The following PTPRT variants were observed in gnomAD, a reference collection of about 807,000 sequenced individuals.
PTPRT encodes the protein protein tyrosine phosphatase receptor type T.
Under a neutral mutation model 176.8 loss-of-function variants are expected in PTPRT, and 56 were observed. The observed-to-expected ratio is 0.32, with a 90% CI of 0.26 to 0.40. PTPRT has a LOEUF of 0.40. PTPRT is among the 10% of genes least tolerant of loss of function. The probability of loss-of-function intolerance (pLI) is 1.00; values close to 1 mark genes in which losing one functional copy is unlikely to be tolerated. For synonymous variants in PTPRT, 783 were observed against 739.0 expected (o/e 1.06, Z -0.96); for missense variants, 1,540 against 1,908.2 (o/e 0.81, Z 3.60).
intron 3 of PTPRT, among the ~76,000 whole-genome samples, chr20:42,781,296 C>A (rs1451053934): frequency 6.6e-6 from 1 of 152,122 alleles, no homozygotes; most frequent in African/African-American, 2.4e-5. Flanking sequence ...TTTGCCTTCT[C>A]CAATCCTGTA....
At chr20:42,036,331 T>C in the PTPRT span, among the ~76,000 whole-genome samples, 5 of 152,310 alleles carry the variant, frequency 3.3e-5, no homozygotes, top group South Asian at 1.0e-3. Flanking sequence ...GTAAAATGTA[T>C]AGCTAGAGTT....
chr20:42,333,700 A>T (rs1303157785), intron 11 of PTPRT, among the ~76,000 whole-genome samples: 1 of 152,056 alleles, frequency 6.6e-6, no homozygotes, highest in Non-Finnish European at 1.5e-5. Context: ...TTTTCTTGAG[A>T]TGGAGTCTCG....
intron 1 of PTPRT, among the ~76,000 whole-genome samples, chr20:42,903,544 A>G (rs950458203): frequency 6.6e-6 from 1 of 152,036 alleles, no homozygotes; most frequent in Middle Eastern, 3.2e-3. Flanking sequence ...TTGTGTAGAT[A>G]AAATATTATT....
intron 8 of PTPRT, among the ~76,000 whole-genome samples, chr20:42,465,918 C>T (rs1568904598): frequency 2.0e-5 from 3 of 152,122 alleles, no homozygotes; most frequent in Admixed American, 1.3e-4. Context: ...TATCCTGATG[C>T]TCTCCCTCCC....
downstream of PTPRT, among the ~76,000 whole-genome samples, chr20:42,069,056 T>C (rs1405259994): frequency 6.6e-6 from 1 of 152,254 alleles, no homozygotes; most frequent in Non-Finnish European, 1.5e-5. Flanking sequence ...TCACTGGTTC[T>C]GGGCTAAAAG....
rs1379068715 is a variant in PTPRT, at chr20:42,089,959, AT to A, written c.3847-4107del. On this transcript the variant is annotated intron_variant, in intron 27 of 30. Transcript: ENST00000373187. ...AAGTGCTGTAGCTGCACCTGAATGG[AT>A]GCTACCATTTTGGTTTGCTTATGTT... Among the ~76,000 whole-genome samples, 4 of 152,174 alleles carry A rather than the reference AT, an allele frequency of 2.6e-5. No individual in the cohort carries two copies. In the East Asian group the frequency reaches 7.7e-4, roughly 29 times the overall value.
chr20:42,656,003 G>C (rs928013964), intron 7 of PTPRT, among the ~76,000 whole-genome samples: 1 of 152,182 alleles, frequency 6.6e-6, no homozygotes. Context: ...ACCATCAAGT[G>C]CAGAAATCAG....
At chr20:42,194,061 ACTAG>A (rs1264253063) in intron 16 of PTPRT, among the ~76,000 whole-genome samples, 1 of 152,194 alleles carries the variant, frequency 6.6e-6, no homozygotes, top group African/African-American at 2.4e-5. Flanking sequence ...TTAAAAACCT[ACTAG>A]CTACCTTATT....
chr20:42,819,098 A>C (rs993737695), intron 2 of PTPRT, among the ~76,000 whole-genome samples: 7 of 152,188 alleles, frequency 4.6e-5, no homozygotes, highest in African/African-American at 1.7e-4. Flanking sequence ...ACACACAGTC[A>C]TCAGATTCTC....
intron 12 of PTPRT, among the ~76,000 whole-genome samples, chr20:42,295,563 G>T (rs146135079): frequency 6.6e-6 from 1 of 152,194 alleles, no homozygotes; most frequent in African/African-American, 2.4e-5. Flanking sequence ...AAATAAGGTA[G>T]GGGTTGGATG....
chr20:42,127,223 C>G (rs141218944), intron 19 of PTPRT, among the ~76,000 whole-genome samples: 1 of 152,136 alleles, frequency 6.6e-6, no homozygotes, highest in African/African-American at 2.4e-5. Context: ...ATAACCAGAG[C>G]CCCAGTGGGC....
intron 1 of PTPRT, among the ~76,000 whole-genome samples, chr20:42,906,354 G>T (rs1380664891): frequency 6.6e-6 from 1 of 152,168 alleles, no homozygotes; most frequent in Non-Finnish European, 1.5e-5. Flanking sequence ...GGCTCCAGGG[G>T]GAAAGCCACG....
intron 9 of PTPRT, among the ~76,000 whole-genome samples, chr20:42,444,981 T>C (rs967702201): frequency 6.6e-6 from 1 of 152,186 alleles, no homozygotes; most frequent in African/African-American, 2.4e-5. Flanking sequence ...GCCAAAAGTT[T>C]CTCAAGAGTA....
intron 2 of PTPRT, among the ~76,000 whole-genome samples, chr20:42,838,670 C>G (rs2078223413): frequency 6.6e-6 from 1 of 152,214 alleles, no homozygotes; most frequent in Admixed American, 6.5e-5. Context: ...AAAAACAAAT[C>G]ACATCCCTTC....
chr20:42,329,327 A>C (rs192908300), intron 11 of PTPRT, among the ~76,000 whole-genome samples: 52 of 152,340 alleles, frequency 3.4e-4, no homozygotes, highest in African/African-American at 1.2e-3. Context: ...AAGTGGGTAA[A>C]AATAGCCAAG....
intron 2 of PTPRT, among the ~76,000 whole-genome samples, chr20:42,819,398 G>C (rs578054746): frequency 7.1e-4 from 108 of 152,322 alleles, no homozygotes; most frequent in Non-Finnish European, 9.8e-4. Context: ...GATCCTGAAA[G>C]AAGCACTGAA....
chr20:42,718,081 G>C, intron 6 of PTPRT, among the ~76,000 whole-genome samples: 1 of 152,188 alleles, frequency 6.6e-6, no homozygotes, highest in East Asian at 1.9e-4. Flanking sequence ...TCTACTCCTA[G>C]TTACATATCC....
intron 2 of PTPRT, among the ~76,000 whole-genome samples, chr20:42,817,197 G>A (rs541535928): frequency 1.3e-5 from 2 of 152,268 alleles, no homozygotes; most frequent in East Asian, 3.9e-4. Context: ...GTCAAGAAAA[G>A]CACTTTAAGT....
At chr20:42,724,531 TC>T (rs1230987126) in intron 6 of PTPRT, among the ~76,000 whole-genome samples, 2 of 152,196 alleles carry the variant, frequency 1.3e-5, no homozygotes, top group African/African-American at 4.8e-5. Flanking sequence ...TACCACTCCC[TC>T]CCCTGCCCCT....
Sources: gnomAD v4.1 joint callset for allele counts (sites outside exome capture counted in the v4.1 genomes callset) on GRCh38, gnomAD v4.1.1 for gene constraint, MANE v1.5 for transcripts, NCBI Gene and HGNC (gene_info 2026-07-23, HGNC 2026-07-21) for gene names.